The following TNRC6A variants were observed in gnomAD, a reference collection of about 807,000 sequenced individuals.
TNRC6A encodes trinucleotide repeat containing adaptor 6A.
A neutral mutation model predicts 221.2 loss-of-function variants in TNRC6A; 44 were observed. That is an observed-to-expected ratio of 0.20 (90% confidence interval 0.16 to 0.26). The LOEUF is 0.26. Ranked by LOEUF, TNRC6A falls within the 10% of genes least tolerant of loss-of-function variation. The pLI is 1.00. For missense variants in TNRC6A, 2,199 were observed against 2,404.4 expected, an observed-to-expected ratio of 0.91 and a Z score of 1.79; for synonymous variants, 847 against 838.5, an observed-to-expected ratio of 1.01 and a Z score of -0.18.
At chr16:24,719,247 G>T (rs1641436279) in intron 2 of TNRC6A, among the ~76,000 whole-genome samples, 1 of 152,120 alleles carries the variant, frequency 6.6e-6, no homozygotes, top group Non-Finnish European at 1.5e-5. Flanking sequence ...AAAGCCAGGG[G>T]CAGTGGCAGA....
At chr16:24,805,297 G>C (rs2058407725) in intron 14 of TNRC6A, 146 bp downstream of exon 14, 1 of 1,208,742 alleles carries the variant, frequency 8.3e-7, no homozygotes, top group Non-Finnish European at 1.1e-6. Flanking sequence ...TATTAAAAAA[G>C]GTTGTAGTAA....
upstream of TNRC6A, among the ~76,000 whole-genome samples, chr16:24,727,133 G>A (rs534044308): frequency 9.3e-5 from 14 of 151,026 alleles, no homozygotes; most frequent in Non-Finnish European, 1.8e-4. Context: ...GGGTTCAAGC[G>A]ATTCTCCTGC....
intron 5 of TNRC6A, chr16:24,778,209 G>A (rs1196973868): frequency 1.1e-5 from 9 of 815,746 alleles, no homozygotes; most frequent in Non-Finnish European, 1.3e-5. Context: ...ACCTTGGGCA[G>A]GTTACTTAAT....
At chr16:24,737,201 T>C (rs2056789318) in intron 2 of TNRC6A, among the ~76,000 whole-genome samples, 2 of 152,220 alleles carry the variant, frequency 1.3e-5, no homozygotes, top group East Asian at 3.8e-4. Context: ...ATATGGTCTT[T>C]AGTGCTCATT....
In TNRC6A at chr16:24,777,065, A is replaced by AGCAACAGCAGCAGCC. The variant is rs769211503; in HGVS notation, c.300_314dup (p.Gln108_Gln112dup). The AGCAACAGCAGCAGCC allele has an allele frequency of 1.4e-5, 22 of 1,607,404 alleles. No individual in the cohort carries two copies. In the African/African-American group the frequency reaches 2.2e-4, roughly 16 times the overall value. On this transcript the variant is annotated inframe_insertion, in exon 5 of 25. Coordinates refer to ENST00000395799, the MANE Select transcript of TNRC6A (RefSeq NM_014494.4). Reference sequence around the variant, plus strand: ...AACAATCAGCAGCCACAGCAGCAGCAGCAACAGCAGCAGCCGCAGCAGCAG... The same window carrying AGCAACAGCAGCAGCC: ...AACAATCAGCAGCCACAGCAGCAGCAGCAACAGCAGCAGCCGCAACAGCAGCAGCCGCAGCAGCAG...
chr16:24,758,254 T>A (rs562468176), intron 3 of TNRC6A, 85 bp from the exon 4 acceptor site: 1 of 1,344,794 alleles, frequency 7.4e-7, no homozygotes, highest in Non-Finnish European at 1.0e-6. Context: ...ATGTCTTATA[T>A]TAATATATGA....
Position 24,753,999 on chromosome 16 carries a change from A to G in TNRC6A, c.141+3186A>G, listed in dbSNP as rs79773466. 2.8e-3 allele frequency among the ~76,000 whole-genome samples: 425 copies of G among 152,316 alleles called. 5 individuals carry two copies. Among genetic ancestry groups the G allele is most frequent in the African/African-American group, 9.6e-3 (399 of 41,572 alleles). On this transcript the variant is annotated intron_variant, in intron 3 of 24. Transcript: ENST00000395799. ...TGACTTTATCCTTTTCATGCAGAAC[A>G]TTATCTTATACTTTGCTTTATTTTT...
rs1900003794 is a variant in TNRC6A, at chr16:24,610,643, T to G, written n.276+159T>G. Among the ~76,000 whole-genome samples, 3 of 152,168 alleles carry G rather than the reference T, an allele frequency of 2.0e-5. No individual in the cohort carries two copies. The South Asian group carries it at 6.2e-4, about 32-fold the overall frequency. ...CCCTGCCAAACAGACGCAGCCTTCC[T>G]AAGGAGCAGCGCTGCGCTGGCTCTG... is the stretch of plus-strand genomic sequence containing the variant. On this transcript the variant is annotated intron_variant and non_coding_transcript_variant, in intron 1 of 2. Coordinates refer to the TNRC6A transcript ENST00000566108.
intron 2 of TNRC6A, among the ~76,000 whole-genome samples, chr16:24,689,496 G>A (rs1285328177): frequency 6.6e-6 from 1 of 152,168 alleles, no homozygotes; most frequent in Admixed American, 6.5e-5. Flanking sequence ...TAGTCCATGA[G>A]ACCACATGAT....
chr16:24,791,024 T>G lies in TNRC6A; in HGVS notation c.2382T>G (p.Asp794Glu). Reference protein sequence around the residue: ...GDPKPALRWGDSKGSNCQGGW... With the variant: ...GDPKPALRWGESKGSNCQGGW... ...CCAAACCTGCTCTGAGGTGGGGAGA[T>G]TCCAAAGGCTCAAACTGCCAGGGGG... Residue 794 changes from aspartate (D) to glutamate (E), a missense_variant, in exon 6 of 25, where the codon GAT becomes GAG. This residue lies in a region of TNRC6A where 1,405 missense variants were observed against 1,400.2 expected (regional missense o/e 1.00). Coordinates refer to ENST00000395799, the MANE Select transcript of TNRC6A (RefSeq NM_014494.4). The G allele has an allele frequency of 6.3e-7, 1 of 1,591,060 alleles. No individual in the cohort carries two copies. Among genetic ancestry groups the G allele is most frequent in the Non-Finnish European group, 8.6e-7 (1 of 1,168,488 alleles).
intron 7 of TNRC6A, 44 bp downstream of exon 7, chr16:24,793,693 G>T (rs557499529): frequency 7.5e-7 from 1 of 1,327,118 alleles, no homozygotes; most frequent in Non-Finnish European, 9.8e-7. Flanking sequence ...TAGCAGTGGC[G>T]AACACTCACT....
intron 1 of TNRC6A, among the ~76,000 whole-genome samples, chr16:24,640,293 A>C (rs1315160582): frequency 6.6e-6 from 1 of 151,852 alleles, no homozygotes; most frequent in Non-Finnish European, 1.5e-5. Flanking sequence ...CTAGCTACTC[A>C]GGAGGCTGAG....
chr16:24,804,439 T>C, intron 12 of TNRC6A, 120 bp downstream of exon 12: 13 of 1,251,026 alleles, frequency 1.0e-5, no homozygotes, highest in Non-Finnish European at 1.2e-5. Context: ...CTACCAAATC[T>C]TATTACTGGA....
At chr16:24,717,707 C>T (rs549572138) in intron 2 of TNRC6A, among the ~76,000 whole-genome samples, 8 of 150,698 alleles carry the variant, frequency 5.3e-5, no homozygotes, top group Non-Finnish European at 7.4e-5. Flanking sequence ...TGGAGAACAA[C>T]GATGCTTGTT....
intron 1 of TNRC6A, among the ~76,000 whole-genome samples, chr16:24,616,702 G>A (rs1011776519): frequency 6.6e-6 from 1 of 152,162 alleles, no homozygotes; most frequent in Non-Finnish European, 1.5e-5. Context: ...AGGCTGAGAG[G>A]CGGGTGGATC....
At chr16:24,610,623 C>A (rs1900002709) in intron 1 of TNRC6A, 1 of 152,318 alleles carries the variant, frequency 6.6e-6, no homozygotes, top group East Asian at 1.9e-4. Context: ...TCGGGCCCTG[C>A]CAAACAGACG....
intron 2 of TNRC6A, among the ~76,000 whole-genome samples, chr16:24,741,579 T>G (rs1256921249): frequency 6.6e-6 from 1 of 152,238 alleles, no homozygotes; most frequent in African/African-American, 2.4e-5. Flanking sequence ...TAGATTTATC[T>G]TTTGATACCT....
chr16:24,654,566 G>T (rs759502394), intron 2 of TNRC6A, among the ~76,000 whole-genome samples: 11 of 152,058 alleles, frequency 7.2e-5, no homozygotes, highest in Non-Finnish European at 1.2e-4. Context: ...AATTCGCCAA[G>T]CATGGTGCTA....
chr16:24,771,582 T>TTATGTTA, intron 4 of TNRC6A, among the ~76,000 whole-genome samples: 1,028 of 95,390 alleles, frequency 0.011, 29 homozygotes, highest in East Asian at 0.055. Flanking sequence ...TTATGTTATG[T>TTATGTTA]TGTTATGTTA....
Sources: gnomAD v4.1 joint callset for allele counts (sites outside exome capture counted in the v4.1 genomes callset) on GRCh38, gnomAD v4.1.1 for gene constraint, gnomAD v4.1.1 regional missense constraint, MANE v1.5 for transcripts, NCBI Gene and HGNC (gene_info 2026-07-23, HGNC 2026-07-21) for gene names.